Variants in PARD3 observed in about 807,000 individuals in gnomAD.
The protein encoded by PARD3 is par-3 family cell polarity regulator.
In PARD3, 75 loss-of-function variants were observed where a neutral mutation model predicts 155.4. The observed-to-expected ratio is 0.48, with a 90% confidence interval of 0.40 to 0.58. The LOEUF (loss-of-function observed/expected upper bound fraction) is 0.58. Among genes scored for constraint, PARD3 ranks in the 20% least tolerant of loss-of-function variants. PARD3 has a pLI of 0.00. For synonymous variants in PARD3, 576 were observed against 610.5 expected, an observed-to-expected ratio of 0.94 and a Z score of 0.83; for missense variants, 1,642 against 1,721.7, an observed-to-expected ratio of 0.95 and a Z score of 0.82.
At chr10:34,609,938 G>A (rs2090759118) in intron 2 of PARD3, among the ~76,000 whole-genome samples, 1 of 152,166 alleles carries the variant, frequency 6.6e-6, no homozygotes, top group African/African-American at 2.4e-5. Context: ...GAAAGGCTGG[G>A]AAACCTTCTG....
chr10:34,235,757 T>C (rs1953192949), intron 22 of PARD3, among the ~76,000 whole-genome samples: 1 of 152,182 alleles, frequency 6.6e-6, no homozygotes, highest in East Asian at 1.9e-4. Flanking sequence ...AGAAGGAAGG[T>C]TGCAATAATT....
chr10:34,645,100 G>T (rs950361897), intron 2 of PARD3, among the ~76,000 whole-genome samples: 1 of 152,086 alleles, frequency 6.6e-6, no homozygotes, highest in Non-Finnish European at 1.5e-5. Flanking sequence ...TGATCCTCTC[G>T]CCTTGGCCTT....
chr10:34,413,231 A>G (rs1845300050), intron 5 of PARD3, among the ~76,000 whole-genome samples: 1 of 152,120 alleles, frequency 6.6e-6, no homozygotes, highest in African/African-American at 2.4e-5. Context: ...ATTTTAAAAA[A>G]TAGGACGGTA....
chr10:34,695,350 C>A (rs979021400), intron 2 of PARD3, among the ~76,000 whole-genome samples: 1 of 151,888 alleles, frequency 6.6e-6, no homozygotes, highest in Non-Finnish European at 1.5e-5. Flanking sequence ...TGGTGCACGC[C>A]TATAATCCCA....
intron 2 of PARD3, among the ~76,000 whole-genome samples, chr10:34,566,118 C>T (rs1181776776): frequency 6.6e-6 from 1 of 152,128 alleles, no homozygotes; most frequent in Non-Finnish European, 1.5e-5. Flanking sequence ...GAATAATGTC[C>T]GGCCCTGTTA....
chr10:34,779,974 T>C (rs1225506201), intron 1 of PARD3, among the ~76,000 whole-genome samples: 1 of 152,170 alleles, frequency 6.6e-6, no homozygotes, highest in Admixed American at 6.5e-5. Flanking sequence ...ATGACAGTAA[T>C]GCCACCGAGT....
At chr10:34,756,150 CTTTTTTTTT>C (rs58993670) in intron 1 of PARD3, among the ~76,000 whole-genome samples, 4 of 94,544 alleles carry the variant, frequency 4.2e-5, no homozygotes, top group African/African-American at 1.7e-4. Flanking sequence ...AAAAATGCAC[CTTTTTTTTT>C]TTTTTTTTTT....
chr10:34,738,584 T>C (rs1257001860), intron 1 of PARD3, among the ~76,000 whole-genome samples: 1 of 152,216 alleles, frequency 6.6e-6, no homozygotes, highest in Non-Finnish European at 1.5e-5. Context: ...TCTCTACACA[T>C]AATTTAAAAA....
chr10:34,163,277 G>T (rs1221982506), intron 22 of PARD3, among the ~76,000 whole-genome samples: 1 of 152,172 alleles, frequency 6.6e-6, no homozygotes, highest in Non-Finnish European at 1.5e-5. Flanking sequence ...CACCCACAAG[G>T]CGTGGGAGAA....
At chr10:34,145,201 ATATATATATATATATATATATTTTTT>A (rs1218909367) in intron 22 of PARD3, among the ~76,000 whole-genome samples, 18 of 59,068 alleles carry the variant, frequency 3.0e-4, no homozygotes, top group Admixed American at 4.6e-4. Context: ...ATATATATAT[ATATATATATATATATATATATTTTTT>A]TTTTTTTTTT....
chr10:34,473,638 C>A (rs56390521), intron 3 of PARD3, among the ~76,000 whole-genome samples: 2,995 of 152,324 alleles, frequency 0.02, 54 homozygotes, highest in Non-Finnish European at 0.031. Context: ...AAACTGAGGA[C>A]TGGCTAAAAC....
intron 1 of PARD3, among the ~76,000 whole-genome samples, chr10:34,697,802 T>A (rs1157592394): frequency 1.2e-5 from 1 of 86,934 alleles, no homozygotes; most frequent in Non-Finnish European, 2.9e-5. Flanking sequence ...CACGTTGGCA[T>A]CCTCTTCATT....
chr10:34,219,580 C>A (rs1248820606), intron 22 of PARD3, among the ~76,000 whole-genome samples: 1 of 152,156 alleles, frequency 6.6e-6, no homozygotes, highest in Non-Finnish European at 1.5e-5. Context: ...GGTGAAAAAT[C>A]TCTCTGTTAA....
intron 3 of PARD3, among the ~76,000 whole-genome samples, chr10:34,494,347 GAA>G (rs1035216895): frequency 2.0e-5 from 3 of 152,238 alleles, no homozygotes; most frequent in Non-Finnish European, 4.4e-5. Context: ...TCATGAGGTA[GAA>G]GAGACAAGGC....
intron 2 of PARD3, among the ~76,000 whole-genome samples, chr10:34,569,426 T>C (rs566113537): frequency 6.6e-6 from 1 of 152,300 alleles, no homozygotes; most frequent in Admixed American, 6.5e-5. Flanking sequence ...TATATATATA[T>C]ATTTTTTTGG....
chr10:34,133,489 C>T (rs1947725281), intron 22 of PARD3, among the ~76,000 whole-genome samples: 2 of 152,324 alleles, frequency 1.3e-5, no homozygotes, highest in Admixed American at 1.3e-4. Context: ...AGGACAAGAA[C>T]CACATCTTCT....
chr10:34,515,109 C>G (rs536939920), intron 3 of PARD3, among the ~76,000 whole-genome samples: 2 of 152,296 alleles, frequency 1.3e-5, no homozygotes, highest in South Asian at 2.1e-4. Context: ...TACACAGGAT[C>G]ATTCCAAGCA....
At chr10:34,735,323 A>G (rs572874542) in intron 1 of PARD3, among the ~76,000 whole-genome samples, 12 of 152,316 alleles carry the variant, frequency 7.9e-5, no homozygotes, top group Non-Finnish European at 1.8e-4. Flanking sequence ...ACAGCAGAAA[A>G]TTTGAGAAAA....
rs1337208097 is a variant in PARD3, at chr10:34,421,314, ATTT to A, written c.715-19400_715-19398del. Among the ~76,000 whole-genome samples, 5 of 150,348 alleles carry A rather than the reference ATTT, an allele frequency of 3.3e-5. No homozygotes were observed. In the East Asian group the frequency reaches 9.7e-4, roughly 29 times the overall value. ...TTATTAATAATTATTATAACTAGTT[ATTT>A]AAGTAATAAATTATAATATTTAAAG... On this transcript the variant is annotated intron_variant, in intron 5 of 24. Coordinates refer to ENST00000374788, the MANE Select transcript of PARD3 (RefSeq NM_001184785.2).
Sources: allele counts gnomAD v4.1 joint callset (sites outside exome capture counted in the v4.1 genomes callset), GRCh38; gene constraint gnomAD v4.1.1; transcripts MANE v1.5; gene names NCBI Gene and HGNC (gene_info 2026-07-23, HGNC 2026-07-21).